Variants in DPYSL2 observed in about 807,000 individuals in gnomAD.
DPYSL2 encodes the protein dihydropyrimidinase like 2, also known as dihydropyrimidinase-related protein 2.
In DPYSL2, 13 loss-of-function variants were observed where a neutral mutation model predicts 69.9. That is an observed-to-expected ratio of 0.19 (90% CI 0.12 to 0.30). The LOEUF (loss-of-function observed/expected upper bound fraction) is 0.30. DPYSL2 is among the 10% of genes least tolerant of loss of function. The probability of loss-of-function intolerance (pLI) is 1.00; values close to 1 mark genes in which losing one functional copy is unlikely to be tolerated. For missense variants in DPYSL2, 587 were observed against 918.9 expected (o/e 0.64, Z 4.67); for synonymous variants, 326 against 359.1 (o/e 0.91, Z 1.04).
rs1801057420 is a variant in DPYSL2, at chr8:26,560,725, A to G, written c.355-21244A>G. 6.6e-6 allele frequency among the ~76,000 whole-genome samples: 1 copy of G among 152,248 alleles called. No individual in the cohort carries two copies. The highest frequency in any genetic ancestry group is 2.4e-5 in the African/African-American group (1 of 41,456). On this transcript the variant is annotated intron_variant, in intron 1 of 13. Transcript: ENST00000521913. This position sits in a 1 kb window ranked among gnomAD's most constrained non-coding sequence, Gnocchi z 4.4. ...GGAGATATCCTACTGGTATTTTCCA[A>G]TCACTAACATCCTCTGTCTTTGCAA...
chr8:26,636,994 G>A (rs959779419), intron 8 of DPYSL2, among the ~76,000 whole-genome samples: 1 of 152,036 alleles, frequency 6.6e-6, no homozygotes, highest in Non-Finnish European at 1.5e-5. Context: ...TGCCCGCCTC[G>A]GTCTCCCAAA....
At chr8:26,520,878 C>T (rs890511411) in intron 1 of DPYSL2, among the ~76,000 whole-genome samples, 4 of 151,958 alleles carry the variant, frequency 2.6e-5, no homozygotes, top group Non-Finnish European at 4.4e-5. Context: ...TCCTTGTGTC[C>T]TTACATAGTG....
Position 26,655,641 on chromosome 8 carries a change from C to A in DPYSL2, c.1969C>A (p.Arg657Ser). The part of the protein sequence containing the change: ...SGAQIDDNIP[R>S]RTTQRIVAPP... Reference sequence around the variant, plus strand: ...TGCTCAGATTGATGACAACATTCCCCGCCGCACCACCCAGCGTATCGTGGC... The same window carrying A: ...TGCTCAGATTGATGACAACATTCCCAGCCGCACCACCCAGCGTATCGTGGC... The change falls in exon 14 of 14, where the codon CGC becomes AGC. Residue 657 changes from arginine to serine, a missense_variant. Arg to Ser is a moderately radical substitution (Grantham distance 110). Around this residue, in one of 3 missense-constraint regions of DPYSL2, gnomAD observed 452 missense variants for 754.3 expected, o/e 0.60. Transcript: ENST00000521913. 6.2e-7 allele frequency: 1 copy of A among 1,610,756 alleles called. No individual in the cohort carries two copies. Among genetic ancestry groups the A allele is most frequent in the Non-Finnish European group, 8.5e-7 (1 of 1,179,276 alleles).
At chr8:26,525,269 G>A (rs1217916521) in intron 1 of DPYSL2, among the ~76,000 whole-genome samples, 5 of 152,214 alleles carry the variant, frequency 3.3e-5, no homozygotes, top group Non-Finnish European at 7.3e-5. Context: ...ACCCAGGCTG[G>A]AGTGCGGTGG....
intron 3 of DPYSL2, among the ~76,000 whole-genome samples, chr8:26,618,914 C>T (rs1378105706): frequency 1.3e-5 from 2 of 151,760 alleles, no homozygotes; most frequent in Non-Finnish European, 2.9e-5. Context: ...GCTGAGATCG[C>T]GCCACTGCAC....
In DPYSL2 at chr8:26,583,866, A is replaced by T; in HGVS notation, c.511A>T (p.Ile171Phe). ...CATCGAGGCCCACTCCCGGATGGTGATCCCCGGAGGAATTGACGTCCACAC... is the reference window on the plus strand; with the variant it reads ...CATCGAGGCCCACTCCCGGATGGTGTTCCCCGGAGGAATTGACGTCCACAC... ...KTIEAHSRMVIPGGIDVHTRF... is the reference protein window; with the variant it reads ...KTIEAHSRMVFPGGIDVHTRF... The change falls in exon 3 of 14, where the codon ATC (isoleucine) becomes TTC (phenylalanine). Residue 171 changes from isoleucine to phenylalanine, a missense_variant. Ile to Phe is a conservative substitution (Grantham distance 21). Transcript: ENST00000521913. 1 of 1,614,102 alleles carries T rather than the reference A, an allele frequency of 6.2e-7. No homozygotes were observed. The highest frequency in any genetic ancestry group is 8.5e-7 in the Non-Finnish European group (1 of 1,180,004).
intron 3 of DPYSL2, among the ~76,000 whole-genome samples, chr8:26,612,794 A>G (rs375987999): frequency 1.3e-5 from 2 of 152,344 alleles, no homozygotes; most frequent in East Asian, 1.9e-4. Flanking sequence ...AAATGCCTAG[A>G]AGGAGGCGGT....
chr8:26,590,842 C>G (rs530500676), intron 3 of DPYSL2, among the ~76,000 whole-genome samples: 8 of 152,386 alleles, frequency 5.2e-5, no homozygotes, highest in African/African-American at 1.9e-4. Context: ...GTCCAGCACG[C>G]ACACTTTACC....
intron 7 of DPYSL2, among the ~76,000 whole-genome samples, chr8:26,630,263 G>A (rs1320404981): frequency 1.3e-5 from 2 of 152,170 alleles, no homozygotes; most frequent in Non-Finnish European, 2.9e-5. Flanking sequence ...CCTCTGGGCC[G>A]GCTTCTGTGA....
chr8:26,555,141 G>A (rs1368710339), intron 1 of DPYSL2, among the ~76,000 whole-genome samples: 1 of 152,020 alleles, frequency 6.6e-6, no homozygotes, highest in Admixed American at 6.6e-5. Context: ...TGCAAAAATG[G>A]CTAACATCAT....
intron 1 of DPYSL2, among the ~76,000 whole-genome samples, chr8:26,581,630 TCC>T (rs1290909617): frequency 6.6e-6 from 1 of 152,116 alleles, no homozygotes; most frequent in Non-Finnish European, 1.5e-5. Flanking sequence ...CATCTTGGCC[TCC>T]CAAAGTGCTG....
rs1209309377 is a variant in DPYSL2 at position 26,620,603 on chromosome 8, G to C, written c.629-3540G>C. ...GAACAGAACCTGGTATTGTCTCTCT[G>C]TAAAGTATGAGTGAATTTAAAACAT... is the stretch of plus-strand genomic sequence containing the variant. On this transcript the variant is annotated intron_variant, in intron 3 of 13. Coordinates refer to ENST00000521913, the MANE Select transcript of DPYSL2 (RefSeq NM_001197293.3). This position sits in a 1 kb window ranked among gnomAD's most constrained non-coding sequence, Gnocchi z 4.5. Among the ~76,000 whole-genome samples the C allele has an allele frequency of 6.6e-6, 1 of 152,132 alleles. No individual in the cohort carries two copies. The highest frequency in any genetic ancestry group is 1.5e-5 in the Non-Finnish European group (1 of 68,030).
intron 4 of DPYSL2, among the ~76,000 whole-genome samples, chr8:26,625,019 T>C (rs1802584029): frequency 6.6e-6 from 1 of 152,132 alleles, no homozygotes; most frequent in Non-Finnish European, 1.5e-5. Flanking sequence ...GGGAAACACC[T>C]ATTGCTTTAG....
chr8:26,545,781 A>T (rs1800757865), intron 1 of DPYSL2, among the ~76,000 whole-genome samples: 1 of 152,010 alleles, frequency 6.6e-6, no homozygotes, highest in African/African-American at 2.4e-5. Context: ...AAAAAAAATA[A>T]TCTCAGCATT....
At chr8:26,629,008 G>T (rs549940287) in intron 7 of DPYSL2, among the ~76,000 whole-genome samples, 2 of 152,168 alleles carry the variant, frequency 1.3e-5, no homozygotes, top group South Asian at 2.1e-4. Flanking sequence ...GGTGCAGGAG[G>T]GGGTGGTTGG....
intron 1 of DPYSL2, among the ~76,000 whole-genome samples, chr8:26,542,411 TC>T (rs1377948663): frequency 6.8e-6 from 1 of 147,258 alleles, no homozygotes; most frequent in African/African-American, 2.6e-5. Context: ...TTTTAAAAAT[TC>T]CCATATTAAA....
At chr8:26,634,958 G>T in intron 8 of DPYSL2, 58 bp downstream of exon 8, 4 of 1,604,874 alleles carry the variant, frequency 2.5e-6, no homozygotes, top group Non-Finnish European at 3.4e-6. Flanking sequence ...GGGGAGGGGG[G>T]CTCCTCACTA....
At chr8:26,529,307 T>TATCTATC (rs1800456024) in intron 1 of DPYSL2, among the ~76,000 whole-genome samples, 1 of 151,720 alleles carries the variant, frequency 6.6e-6, no homozygotes, top group Admixed American at 6.6e-5. Flanking sequence ...ATCTATCATC[T>TATCTATC]ATCTATCTAT....
chr8:26,623,165 AG>A (rs1473242902), intron 3 of DPYSL2, among the ~76,000 whole-genome samples: 1 of 152,174 alleles, frequency 6.6e-6, no homozygotes, highest in Non-Finnish European at 1.5e-5. Flanking sequence ...GGGAGGCAGC[AG>A]GTAGATATTT....
Sources: allele counts gnomAD v4.1 joint callset (sites outside exome capture counted in the v4.1 genomes callset), GRCh38; gene constraint gnomAD v4.1.1; regional missense constraint gnomAD v4.1.1; non-coding constraint Gnocchi (gnomAD v3.1); transcripts MANE v1.5; gene names NCBI Gene and HGNC (gene_info 2026-07-23, HGNC 2026-07-21).